LTBP2: variants seen among roughly 807,000 people sequenced by gnomAD.
The protein encoded by LTBP2 is latent transforming growth factor beta binding protein 2, also known as latent-transforming growth factor beta-binding protein 2.
In LTBP2, 103 loss-of-function variants were observed where a neutral mutation model predicts 210.6. The observed-to-expected ratio is 0.49, with a 90% CI of 0.42 to 0.58. The LOEUF (loss-of-function observed/expected upper bound fraction) is 0.58. Ranked by LOEUF, LTBP2 falls within the 20% of genes least tolerant of loss-of-function variation. LTBP2 has a pLI of 0.00. For synonymous variants in LTBP2, 1,007 were observed against 1,015.0 expected, an observed-to-expected ratio of 0.99 and a Z score of 0.15; for missense variants, 2,313 against 2,494.5, an observed-to-expected ratio of 0.93 and a Z score of 1.55.
rs984763381 is a variant in LTBP2, at chr14:74,528,231, C to T, written c.2368+252G>A. ...CTGATCGCTGGGGTGGGGGCTGCGG[C>T]TGATCTTTCCCACCTCCACAAGCAA... On this transcript the variant is annotated intron_variant, in intron 12 of 35. Transcript: ENST00000261978. Among the ~76,000 whole-genome samples the T allele has an allele frequency of 2.6e-5, 4 of 152,204 alleles. No individual in the cohort carries two copies. In the South Asian group the frequency reaches 6.2e-4, roughly 24 times the overall value.
chr14:74,603,828 C>A, intron 1 of LTBP2, 123 bp from the exon 2 acceptor site: 1 of 794,642 alleles, frequency 1.3e-6, no homozygotes, highest in Non-Finnish European at 2.2e-6. Flanking sequence ...GCTGGGAAGG[C>A]TGTCCCTATT....
In LTBP2 at chr14:74,552,374, G is replaced by A; in HGVS notation, c.1212C>T (p.Cys404=). 6.2e-7 allele frequency: 1 copy of A among 1,608,666 alleles called. No homozygotes were observed. The highest frequency in any genetic ancestry group is 8.5e-7 in the Non-Finnish European group (1 of 1,180,002). The change falls in exon 6 of 36, where the codon TGC becomes TGT. Residue 404 remains cysteine (C), a synonymous_variant. Coordinates refer to ENST00000261978, the MANE Select transcript of LTBP2 (RefSeq NM_000428.3). ...TGCCGATGCAGCGGCCTCCGTTCAG[G>A]CAGGGGATCTGGCAGAAATCTGCAA... The part of the protein sequence containing the change: ...GFRIYFCQIP[C]LNGGRCIGRD...
chr14:74,520,199 T>C (rs2087183598), intron 17 of LTBP2, among the ~76,000 whole-genome samples: 1 of 152,264 alleles, frequency 6.6e-6, no homozygotes, highest in Non-Finnish European at 1.5e-5. Flanking sequence ...TGCTTCTCTC[T>C]ACCTGGAATA....
rs534550586 is a variant in LTBP2, at chr14:74,511,792, C to T, written c.2909-428G>A. On this transcript the variant is annotated intron_variant, in intron 18 of 35. Transcript: ENST00000261978. ...GCTCCACAATAGATCATCGGAGGGG[C>T]AGTGAAGGCAACTTGGGCTTCCTTG... Among the ~76,000 whole-genome samples the T allele has an allele frequency of 7.2e-5, 11 of 152,316 alleles. No homozygotes were observed. The South Asian group carries it at 2.3e-3, about 32-fold the overall frequency.
intron 2 of LTBP2, among the ~76,000 whole-genome samples, chr14:74,589,985 G>A (rs769207709): frequency 3.3e-5 from 5 of 152,120 alleles, no homozygotes; most frequent in Non-Finnish European, 5.9e-5. Context: ...TGAGCCCTGA[G>A]AACAGCCCAT....
At chr14:74,589,104 A>C (rs967853526) in intron 2 of LTBP2, among the ~76,000 whole-genome samples, 1 of 152,150 alleles carries the variant, frequency 6.6e-6, no homozygotes, top group Non-Finnish European at 1.5e-5. Context: ...AGGACCACAC[A>C]CCCTTCCAAA....
intron 8 of LTBP2, among the ~76,000 whole-genome samples, chr14:74,548,300 C>T (rs1291047528): frequency 6.6e-6 from 1 of 151,846 alleles, no homozygotes; most frequent in Admixed American, 6.6e-5. Context: ...CTGGGCTCCA[C>T]TGCCTGTGTT....
At chr14:74,511,083 G>A (rs1484103375) in intron 19 of LTBP2, among the ~76,000 whole-genome samples, 162 bp downstream of exon 19, 1 of 152,236 alleles carries the variant, frequency 6.6e-6, no homozygotes, top group Non-Finnish European at 1.5e-5. Flanking sequence ...CAGAGCCCTG[G>A]CGACTCATGC....
chr14:74,550,418 C>T (rs2087636563), intron 7 of LTBP2, among the ~76,000 whole-genome samples: 1 of 152,198 alleles, frequency 6.6e-6, no homozygotes, highest in African/African-American at 2.4e-5. Context: ...GGCTGTCCCA[C>T]CTCCTCCAGT....
At position 74,502,878 on chromosome 14, in the gene LTBP2, C is replaced by T. The variant is rs368669086; in HGVS notation, c.4945G>A (p.Val1649Ile). The change falls in exon 34 of 36, where the codon GTC (valine) becomes ATC (isoleucine). Residue 1649 changes from valine (V) to isoleucine (I), a missense_variant. Physicochemically the swap from Val to Ile is conservative, Grantham distance 29 (BLOSUM62 3). Transcript: ENST00000261978. ...ARIEAEREAG[V>I]HFRPGYEYGP... is the part of the protein sequence containing the mutation. ...TACTCATAGCCTGGCCGGAAGTGGA[C>T]CCCGGCCTCCCGCTCTGCCTCAATG... The T allele has an allele frequency of 9.1e-5, 147 of 1,613,342 alleles. No individual in the cohort carries two copies. Among genetic ancestry groups the T allele is most frequent in the Admixed American group, 1.2e-4 (7 of 60,004 alleles).
chr14:74,552,869 A>G, intron 5 of LTBP2, 23 bp downstream of exon 5: 6 of 1,607,138 alleles, frequency 3.7e-6, no homozygotes, highest in Non-Finnish European at 5.1e-6. Context: ...GCTGGGAACC[A>G]TCTGAGCAGG....
intron 3 of LTBP2, among the ~76,000 whole-genome samples, chr14:74,571,810 C>T (rs2087982590): frequency 6.6e-6 from 1 of 152,160 alleles, no homozygotes. Context: ...GAAAATGCAG[C>T]GTAGGCGACA....
intron 1 of LTBP2, among the ~76,000 whole-genome samples, chr14:74,605,486 C>T (rs1487504481): frequency 1.3e-5 from 2 of 152,300 alleles, no homozygotes; most frequent in East Asian, 3.9e-4. Flanking sequence ...TTGTCAGACC[C>T]AGAGTTTCCG....
intron 28 of LTBP2, 103 bp from the exon 29 acceptor site, chr14:74,505,277 C>G: frequency 7.5e-7 from 1 of 1,331,934 alleles, no homozygotes; most frequent in Non-Finnish European, 1.0e-6. Flanking sequence ...TAGCACTTTA[C>G]AGTGGAAAAA....
At chr14:74,524,516 G>A (rs1399683065) in intron 15 of LTBP2, among the ~76,000 whole-genome samples, 1 of 152,080 alleles carries the variant, frequency 6.6e-6, no homozygotes, top group Non-Finnish European at 1.5e-5. Flanking sequence ...AACAACACCC[G>A]CCTTGCTTCT....
chr14:74,544,248 C>A (rs964382724), intron 8 of LTBP2, among the ~76,000 whole-genome samples: 2 of 152,186 alleles, frequency 1.3e-5, no homozygotes, highest in African/African-American at 4.8e-5. Context: ...CACAGCTGTT[C>A]CCCAAGCTGG....
At chr14:74,511,759 T>C (rs2087074903) in intron 18 of LTBP2, among the ~76,000 whole-genome samples, 1 of 152,190 alleles carries the variant, frequency 6.6e-6, no homozygotes, top group South Asian at 2.1e-4. Flanking sequence ...CTAACTGGAT[T>C]GCCAGAGGCT....
At chr14:74,521,383 T>C (rs915572858) in intron 17 of LTBP2, among the ~76,000 whole-genome samples, 1 of 151,968 alleles carries the variant, frequency 6.6e-6, no homozygotes, top group Non-Finnish European at 1.5e-5. Flanking sequence ...TTAAAGGGTT[T>C]GCGTTGGGAG....
At chr14:74,510,819 TG>T (rs1396006297) in intron 19 of LTBP2, among the ~76,000 whole-genome samples, 1 of 152,224 alleles carries the variant, frequency 6.6e-6, no homozygotes, top group East Asian at 1.9e-4. Context: ...ACTGCAGACC[TG>T]CTGCCCTTCT....
Sources: allele counts gnomAD v4.1 joint callset (sites outside exome capture counted in the v4.1 genomes callset), GRCh38; gene constraint gnomAD v4.1.1; transcripts MANE v1.5; gene names NCBI Gene and HGNC (gene_info 2026-07-23, HGNC 2026-07-21).